Variants in MPP7 observed in about 807,000 individuals in gnomAD.
The protein encoded by MPP7 is MAGUK p55 scaffold protein 7.
Under a neutral mutation model 76.5 loss-of-function variants are expected in MPP7, and 60 were observed. The observed-to-expected ratio is 0.78, with a 90% CI of 0.64 to 0.97. MPP7 has a LOEUF of 0.97. MPP7 is among the 50% of genes least tolerant of loss of function. MPP7 has a pLI of 0.00. For synonymous variants in MPP7, 237 were observed against 244.5 expected, an observed-to-expected ratio of 0.97 and a Z score of 0.29; for missense variants, 641 against 694.0, an observed-to-expected ratio of 0.92 and a Z score of 0.86.
At chr10:28,183,384 A>C (rs747507209) in intron 3 of MPP7, among the ~76,000 whole-genome samples, 1 of 152,230 alleles carries the variant, frequency 6.6e-6, no homozygotes, top group Non-Finnish European at 1.5e-5. Flanking sequence ...AAAAGTTAGA[A>C]AACACACTTA....
chr10:28,090,033 T>C (rs557631335), intron 11 of MPP7, among the ~76,000 whole-genome samples, 192 bp from the exon 12 acceptor site: 3 of 152,232 alleles, frequency 2.0e-5, no homozygotes, highest in Non-Finnish European at 2.9e-5. Context: ...CCATCACAGC[T>C]TACTGCAGTG....
intron 2 of MPP7, among the ~76,000 whole-genome samples, chr10:28,324,108 C>T (rs1053364690): frequency 7.9e-5 from 12 of 152,210 alleles, no homozygotes; most frequent in Middle Eastern, 3.4e-3. Flanking sequence ...GAAATCTTAA[C>T]CCCCAAGTTG....
At chr10:28,210,505 G>A (rs763471708) in intron 2 of MPP7, among the ~76,000 whole-genome samples, 1 of 152,138 alleles carries the variant, frequency 6.6e-6, no homozygotes, top group Non-Finnish European at 1.5e-5. Context: ...ATAAGAGAAG[G>A]TCAAGATAGA....
chr10:28,108,035 G>A (rs1346355157), intron 11 of MPP7, among the ~76,000 whole-genome samples: 1 of 152,108 alleles, frequency 6.6e-6, no homozygotes, highest in Non-Finnish European at 1.5e-5. Flanking sequence ...TCTGCAAAGG[G>A]TTTTCTAGTT....
intron 1 of MPP7, among the ~76,000 whole-genome samples, chr10:28,330,827 T>C (rs1834464074): frequency 6.6e-6 from 1 of 152,138 alleles, no homozygotes; most frequent in Admixed American, 6.6e-5. Flanking sequence ...GTTAATTTTT[T>C]AGAATTGTTT....
At position 28,111,062 on chromosome 10, in the gene MPP7, C is replaced by T. The variant is rs1274550702; in HGVS notation, c.952+8589G>A. 3.3e-5 allele frequency among the ~76,000 whole-genome samples: 5 copies of T among 152,032 alleles called. No individual in the cohort carries two copies. The East Asian group carries it at 9.6e-4, about 29-fold the overall frequency. On this transcript the variant is annotated intron_variant, in intron 11 of 16. Transcript: ENST00000683449. ...CAATTTAATCCTACATATATGTGCA[C>T]TAAATAAAATGACTAGACTATGCAG... is the stretch of plus-strand genomic sequence containing the variant.
intron 2 of MPP7, among the ~76,000 whole-genome samples, chr10:28,319,931 G>A (rs1834350389): frequency 6.6e-6 from 1 of 151,470 alleles, no homozygotes; most frequent in Non-Finnish European, 1.5e-5. Flanking sequence ...GGCTGAGATA[G>A]GACAACAGAG....
chr10:28,197,601 C>A (rs1354075812), intron 3 of MPP7, among the ~76,000 whole-genome samples: 3 of 152,146 alleles, frequency 2.0e-5, no homozygotes, highest in Non-Finnish European at 2.9e-5. Context: ...CTAAAAAGCT[C>A]CAAATGAGGC....
chr10:28,176,054 A>C (rs1836848713), intron 3 of MPP7, among the ~76,000 whole-genome samples: 1 of 152,184 alleles, frequency 6.6e-6, no homozygotes, highest in African/African-American at 2.4e-5. Flanking sequence ...GGGAGTTTTA[A>C]AAAAGTATAT....
chr10:28,303,124 GC>G (rs1377946828), upstream of MPP7, among the ~76,000 whole-genome samples: 1 of 150,122 alleles, frequency 6.7e-6, no homozygotes, highest in African/African-American at 2.4e-5. Context: ...GGGCTGCACC[GC>G]CCGCGGGTAA....
At chr10:28,077,082 C>CAAA (rs10577715) in intron 12 of MPP7, among the ~76,000 whole-genome samples, 2,717 of 107,082 alleles carry the variant, frequency 0.025, 36 homozygotes, top group Admixed American at 0.036. Context: ...TCTCTAACTA[C>CAAA]AAAAAAAAAA....
intron 11 of MPP7, among the ~76,000 whole-genome samples, chr10:28,093,143 C>G (rs555149024): frequency 5.3e-5 from 8 of 152,256 alleles, no homozygotes; most frequent in African/African-American, 1.9e-4. Flanking sequence ...TGATATTTCA[C>G]AGCATTCTAA....
chr10:28,241,600 T>C (rs547142050), intron 1 of MPP7, among the ~76,000 whole-genome samples: 44 of 152,202 alleles, frequency 2.9e-4, no homozygotes, highest in African/African-American at 1.0e-3. Flanking sequence ...TTACTGACTG[T>C]TGTATGGAAT....
intron 3 of MPP7, among the ~76,000 whole-genome samples, chr10:28,183,927 AG>A (rs1364215667): frequency 3.9e-5 from 6 of 152,222 alleles, no homozygotes; most frequent in African/African-American, 1.4e-4. Context: ...ATTGAGGATG[AG>A]GATGATGATA....
intron 2 of MPP7, among the ~76,000 whole-genome samples, chr10:28,329,533 G>T (rs534757410): frequency 6.6e-6 from 1 of 151,284 alleles, no homozygotes; most frequent in East Asian, 2.0e-4. Flanking sequence ...GGAGGCTGAG[G>T]CAGGAGAATG....
At chr10:28,145,181 G>A (rs1835665174) in intron 5 of MPP7, among the ~76,000 whole-genome samples, 1 of 152,144 alleles carries the variant, frequency 6.6e-6, no homozygotes, top group Admixed American at 6.5e-5. Flanking sequence ...CCAAAGTGCT[G>A]GGATTACAGG....
intron 5 of MPP7, among the ~76,000 whole-genome samples, chr10:28,144,599 C>G (rs183249665): frequency 6.6e-6 from 1 of 152,196 alleles, no homozygotes; most frequent in East Asian, 1.9e-4. Context: ...ATGCTCTTCC[C>G]TGTACCTAAA....
At chr10:28,081,095 G>C (rs1003836403) in intron 12 of MPP7, among the ~76,000 whole-genome samples, 1 of 152,212 alleles carries the variant, frequency 6.6e-6, no homozygotes, top group Non-Finnish European at 1.5e-5. Flanking sequence ...GCACAAAGGA[G>C]AGCAGAATAG....
chr10:28,157,135 G>A (rs1360228064), intron 3 of MPP7, among the ~76,000 whole-genome samples: 1 of 152,110 alleles, frequency 6.6e-6, no homozygotes, highest in Admixed American at 6.5e-5. Context: ...GCTTGAACCC[G>A]AGAGGCAGAG....
Sources: gnomAD v4.1 joint callset for allele counts (sites outside exome capture counted in the v4.1 genomes callset) on GRCh38, gnomAD v4.1.1 for gene constraint, MANE v1.5 for transcripts, NCBI Gene and HGNC (gene_info 2026-07-23, HGNC 2026-07-21) for gene names.